The following ATP1A3 variants were observed in gnomAD, a reference collection of about 807,000 sequenced individuals.
ATP1A3 encodes the protein ATPase Na+/K+ transporting subunit alpha 3.
Under a neutral mutation model 108.8 loss-of-function variants are expected in ATP1A3, and 12 were observed. The observed-to-expected ratio is 0.11, with a 90% CI of 0.07 to 0.18. The LOEUF (loss-of-function observed/expected upper bound fraction) is 0.18. Ranked by LOEUF, ATP1A3 falls within the 10% of genes least tolerant of loss-of-function variation. The pLI, the probability that ATP1A3 is intolerant of heterozygous loss-of-function variation, is 1.00. For missense variants in ATP1A3, 498 were observed against 1,387.7 expected (o/e 0.36, Z 10.19); for synonymous variants, 539 against 564.5 (o/e 0.95, Z 0.64).
chr19:41,975,158 TCTC>T (rs1310787971), intron 16 of ATP1A3, among the ~76,000 whole-genome samples: 1 of 152,004 alleles, frequency 6.6e-6, no homozygotes, highest in African/African-American at 2.4e-5. Flanking sequence ...TTCAAGCAAT[TCTC>T]CTGCCTCAGC....
chr19:41,988,411 G>A lies in ATP1A3; in HGVS notation c.94-34C>T. The A allele has an allele frequency of 6.2e-7, 1 of 1,614,200 alleles. No individual in the cohort carries two copies. On this transcript the variant is annotated intron_variant, in intron 2 of 22. Coordinates refer to ENST00000648268, the MANE Select transcript of ATP1A3 (RefSeq NM_152296.5). This position sits in a 1 kb window ranked among gnomAD's most constrained non-coding sequence, Gnocchi z 5.3. ...CAGGAGTTTGGGGGAGACGGTGAGT[G>A]CCTAGGCCAGCCAAGAACTGGCGAG...
At chr19:41,976,893 T>G (rs2075176859) in intron 14 of ATP1A3, among the ~76,000 whole-genome samples, 1 of 151,956 alleles carries the variant, frequency 6.6e-6, no homozygotes, top group Non-Finnish European at 1.5e-5. Context: ...CAACCTTTGC[T>G]TCTTGGGTTC....
chr19:41,967,804 C>T lies in ATP1A3; in HGVS notation c.2820-41G>A, dbSNP rs1555858982. 6 of 1,580,760 alleles carry T rather than the reference C, an allele frequency of 3.8e-6. No individual in the cohort carries two copies. In the Admixed American group the frequency reaches 5.2e-5, roughly 14 times the overall value. ...GGCAGGGCTGGGCCCAGAGAGCACC[C>T]ACCCTGCACCTGCCACCCCGCAGAG... On this transcript the variant is annotated intron_variant, in intron 20 of 22. Coordinates refer to ENST00000648268, the MANE Select transcript of ATP1A3 (RefSeq NM_152296.5). This position sits in a 1 kb window ranked among gnomAD's most constrained non-coding sequence, Gnocchi z 4.2.
chr19:41,989,794 G>A (rs907284202), intron 1 of ATP1A3, among the ~76,000 whole-genome samples: 11 of 151,846 alleles, frequency 7.2e-5, no homozygotes, highest in Non-Finnish European at 1.6e-4. Context: ...TCTTTGCAAG[G>A]CTGTTTCTCT....
chr19:41,992,462 A>G (rs2075349723), intron 1 of ATP1A3, among the ~76,000 whole-genome samples: 1 of 152,068 alleles, frequency 6.6e-6, no homozygotes, highest in African/African-American at 2.4e-5. Flanking sequence ...CAGCTCCCGC[A>G]GCCTCTGCGC....
Position 41,981,886 on chromosome 19 carries a change from C to T in ATP1A3, c.1192+22G>A, listed in dbSNP as rs1555863587. The T allele has an allele frequency of 6.2e-7, 1 of 1,614,230 alleles. No homozygotes were observed. The highest frequency in any genetic ancestry group is 8.5e-7 in the Non-Finnish European group (1 of 1,180,040). On this transcript the variant is annotated intron_variant, in intron 9 of 22. Transcript: ENST00000648268. The surrounding 1 kb of genome is among the most constrained non-coding windows in gnomAD (Gnocchi z 5.0). ...CTCCTGGAGCCAGGCCCCCATGGTC[C>T]TCACCCGGGGCCTGCGCTCACCTGA...
At chr19:41,976,284 AC>A in intron 15 of ATP1A3, 131 bp downstream of exon 15, 3 of 1,237,284 alleles carry the variant, frequency 2.4e-6, no homozygotes, top group Non-Finnish European at 3.4e-6. Flanking sequence ...AGGCCCCCAG[AC>A]CCTCCTCTCT....
chr19:41,968,037 CAGAG>C lies in ATP1A3; in HGVS notation c.2820-278_2820-275del, dbSNP rs10587805. 0.67 allele frequency among the ~76,000 whole-genome samples: 101,348 copies of C among 150,746 alleles called. 34,440 individuals carry two copies. The highest frequency in any genetic ancestry group is 0.82 in the East Asian group (4,161 of 5,090). On this transcript the variant is annotated intron_variant, in intron 20 of 22. Coordinates refer to ENST00000648268, the MANE Select transcript of ATP1A3 (RefSeq NM_152296.5). The surrounding 1 kb of genome is among the most constrained non-coding windows in gnomAD (Gnocchi z 5.0). ...AGACACAGAGACAGACAGGGACAGACAGAGAGACAGACACAGGGACAGACACAGA... is the reference window on the plus strand; with the variant it reads ...AGACACAGAGACAGACAGGGACAGACAGACAGACACAGGGACAGACACAGA...
In ATP1A3 at chr19:41,976,484, T is replaced by G. The variant is rs782673276; in HGVS notation, c.2026A>C (p.Thr676Pro). The change falls in exon 15 of 23, where the codon ACC becomes CCC. Residue 676 changes from threonine to proline, a missense_variant. Physicochemically the swap from Thr to Pro is conservative, Grantham distance 38. Around this residue, in one of 9 missense-constraint regions of ATP1A3, gnomAD observed 121 missense variants for 425.1 expected, o/e 0.28. Coordinates refer to ENST00000648268, the MANE Select transcript of ATP1A3 (RefSeq NM_152296.5). ...GATGTGCGGGCGAAGACGATCTCGG[T>G]GTGATTCTGCAGGATCTCGTCGATT... ...EQIDEILQNH[T>P]EIVFARTSPQ... 1.9e-6 allele frequency: 3 copies of G among 1,614,160 alleles called. No individual in the cohort carries two copies. Among genetic ancestry groups the G allele is most frequent in the Non-Finnish European group, 2.5e-6 (3 of 1,180,032 alleles).
At chr19:41,987,736 C>A (rs1220964174) in intron 4 of ATP1A3, among the ~76,000 whole-genome samples, 200 bp downstream of exon 4, 4 of 152,134 alleles carry the variant, frequency 2.6e-5, no homozygotes, top group Non-Finnish European at 4.4e-5. Flanking sequence ...TGCTGTGGGG[C>A]CTTGGACAAG....
intron 1 of ATP1A3, among the ~76,000 whole-genome samples, chr19:41,991,506 C>T (rs2075338367): frequency 6.6e-6 from 1 of 152,090 alleles, no homozygotes; most frequent in African/African-American, 2.4e-5. Context: ...ATGGGGTAGA[C>T]CCAGGATGGA....
Position 41,988,497 on chromosome 19 carries a change from G to A in ATP1A3, c.72C>T (p.Asp24=). ...NKGKERRDLD[D]LKKEVAMTEH... The stretch of plus-strand genomic sequence containing the variant: ...TTACCATAGCCACCTCCTTCTTGAG[G>A]TCATCCAGGTCCCGGCGCTCCTTGC... Residue 24 remains aspartate (D), a synonymous_variant, in exon 2 of 23, where the codon GAC becomes GAT. Coordinates refer to ENST00000648268, the MANE Select transcript of ATP1A3 (RefSeq NM_152296.5). The surrounding 1 kb of genome is among the most constrained non-coding windows in gnomAD (Gnocchi z 5.3). The A allele has an allele frequency of 6.2e-7, 1 of 1,614,180 alleles. No individual in the cohort carries two copies. The highest frequency in any genetic ancestry group is 8.5e-7 in the Non-Finnish European group (1 of 1,180,036).
rs375172435 is a variant in ATP1A3 at position 41,973,561 on chromosome 19, C to T, written c.2263+2068G>A. Among the ~76,000 whole-genome samples the T allele has an allele frequency of 2.4e-4, 36 of 152,312 alleles. No homozygotes were observed. The East Asian group carries it at 3.3e-3, about 14-fold the overall frequency. On this transcript the variant is annotated intron_variant, in intron 16 of 22. Coordinates refer to ENST00000648268, the MANE Select transcript of ATP1A3 (RefSeq NM_152296.5). ...GTGAGCCCCCGTGCCTGGCCCCTGACGGAAGTTAGGTATTTCTTCCCTCAC... is the reference window on the plus strand; with the variant it reads ...GTGAGCCCCCGTGCCTGGCCCCTGATGGAAGTTAGGTATTTCTTCCCTCAC...
Position 41,978,732 on chromosome 19 carries a change from C to T in ATP1A3, c.1504G>A (p.Glu502Lys). The T allele has an allele frequency of 6.2e-7, 1 of 1,614,072 alleles. No homozygotes were observed. The highest frequency in any genetic ancestry group is 8.5e-7 in the Non-Finnish European group (1 of 1,179,966). The change falls in exon 12 of 23, where the codon GAG becomes AAG. Residue 502 changes from glutamate to lysine, a missense_variant. Coordinates refer to ENST00000648268, the MANE Select transcript of ATP1A3 (RefSeq NM_152296.5). This position sits in a 1 kb window ranked among gnomAD's most constrained non-coding sequence, Gnocchi z 8.3. ...RYLLVMKGAP[E>K]RILDRCSTIL... Reference sequence around the variant, plus strand: ...GTGGAGCAGCGGTCCAGGATGCGCTCGGGGGCACCCTTCATCACCAGCAGG... The same window carrying T: ...GTGGAGCAGCGGTCCAGGATGCGCTTGGGGGCACCCTTCATCACCAGCAGG...
At position 41,985,962 on chromosome 19, in the gene ATP1A3, C is replaced by T; in HGVS notation, c.508G>A (p.Val170Met). 1 of 1,614,188 alleles carries T rather than the reference C, an allele frequency of 6.2e-7. No individual in the cohort carries two copies. The highest frequency in any genetic ancestry group is 8.5e-7 in the Non-Finnish European group (1 of 1,180,038). Residue 170 changes from valine to methionine, a missense_variant, in exon 6 of 23, where the codon GTG becomes ATG. Transcript: ENST00000648268. The surrounding 1 kb of genome is among the most constrained non-coding windows in gnomAD (Gnocchi z 8.2). Reference protein sequence around the residue: ...LVIREGEKMQVNAEEVVVGDL... With the variant: ...LVIREGEKMQMNAEEVVVGDL... ...CCGACCACCACCTCCTCAGCGTTCA[C>T]CTGCATCTTCTCACCTTCCCGGATC... is the stretch of plus-strand genomic sequence containing the variant.
chr19:41,976,646 A>G, intron 14 of ATP1A3, 80 bp from the exon 15 acceptor site: 1 of 1,589,590 alleles, frequency 6.3e-7, no homozygotes, highest in Non-Finnish European at 8.6e-7. Context: ...ACAGAGAAAC[A>G]GAGGGGCCAG....
rs1428294552 is a variant in ATP1A3, at chr19:41,970,044, C to T, written c.2542+141G>A. 3 of 1,387,888 alleles carry T rather than the reference C, an allele frequency of 2.2e-6. No homozygotes were observed. In the East Asian group the frequency reaches 6.9e-5, roughly 32 times the overall value. The allele number at this position is 1,387,888 out of a possible 1,614,324, so 86.0% of individuals were successfully genotyped here. On this transcript the variant is annotated intron_variant, in intron 18 of 22. Coordinates refer to ENST00000648268, the MANE Select transcript of ATP1A3 (RefSeq NM_152296.5). The stretch of plus-strand genomic sequence containing the variant: ...TGGAGAAGGATGGGGTGCAGACCCC[C>T]CCCACAGATAGCTCACTGGTTGGTC...
chr19:41,972,873 GGCAGGCAGGCAGGGAC>G, intron 16 of ATP1A3, among the ~76,000 whole-genome samples: 3 of 136,082 alleles, frequency 2.2e-5, no homozygotes, highest in African/African-American at 8.9e-5. Context: ...AAGGAAGGAA[GGCAGGCAGGCAGGGAC>G]GGAGGGAGGG....
At position 41,985,506 on chromosome 19, in the gene ATP1A3, C is replaced by T. The variant is rs562255004; in HGVS notation, c.607-83G>A. ...TTGTGTACAGGGCTTGGGGCTGAAG[C>T]CTGTGTGCCTGGAGATCACAGCTAG... On this transcript the variant is annotated intron_variant, in intron 6 of 22. Coordinates refer to ENST00000648268, the MANE Select transcript of ATP1A3 (RefSeq NM_152296.5). This position sits in a 1 kb window ranked among gnomAD's most constrained non-coding sequence, Gnocchi z 8.2. The T allele has an allele frequency of 1.5e-6, 2 of 1,338,410 alleles. No individual in the cohort carries two copies. Among genetic ancestry groups the T allele is most frequent in the Non-Finnish European group, 1.1e-6 (1 of 932,536 alleles). 82.9% of individuals were successfully genotyped at this position (1,338,410 alleles called of 1,614,324 possible). A position where few individuals can be genotyped will look rare whatever the true frequency, so the allele number is the denominator to read the frequency against.
Sources: allele counts gnomAD v4.1 joint callset (sites outside exome capture counted in the v4.1 genomes callset), GRCh38; gene constraint gnomAD v4.1.1; regional missense constraint gnomAD v4.1.1; non-coding constraint Gnocchi (gnomAD v3.1); transcripts MANE v1.5; gene names NCBI Gene and HGNC (gene_info 2026-07-23, HGNC 2026-07-21).